The following STK4 variants were observed in gnomAD, a reference collection of about 807,000 sequenced individuals.
The protein encoded by STK4 is serine/threonine kinase 4, also known as serine/threonine-protein kinase 4.
Under a neutral mutation model 64.9 loss-of-function variants are expected in STK4, and 30 were observed. The ratio of observed to expected loss-of-function variants is 0.46; its 90% CI spans 0.35 to 0.63. The LOEUF (loss-of-function observed/expected upper bound fraction) is 0.63. Ranked by LOEUF, STK4 falls within the 20% of genes least tolerant of loss-of-function variation. STK4 has a pLI of 0.01. For missense variants in STK4, 466 were observed against 598.5 expected, an observed-to-expected ratio of 0.78 and a Z score of 2.31; for synonymous variants, 177 against 199.0, an observed-to-expected ratio of 0.89 and a Z score of 0.93.
chr20:44,979,374 T>TCTCAG (rs2067397212), intron 3 of STK4, among the ~76,000 whole-genome samples: 1 of 152,182 alleles, frequency 6.6e-6, no homozygotes, highest in Non-Finnish European at 1.5e-5. Flanking sequence ...AGTACCTACG[T>TCTCAG]ATTTATTTTT....
intron 6 of STK4, 138 bp from the exon 7 acceptor site, chr20:44,997,031 T>A: frequency 1.7e-6 from 2 of 1,206,204 alleles, no homozygotes; most frequent in Middle Eastern, 2.0e-4. Context: ...TAGACTTTTG[T>A]TGGAATTTGG....
intron 7 of STK4, among the ~76,000 whole-genome samples, chr20:44,997,593 G>A (rs571069319): frequency 3.9e-5 from 6 of 152,314 alleles, no homozygotes; most frequent in African/African-American, 1.4e-4. Flanking sequence ...GGAAGGCTGA[G>A]GTGGGAGGTG....
At chr20:45,071,135 C>T (rs1386520906) in intron 10 of STK4, among the ~76,000 whole-genome samples, 2 of 151,900 alleles carry the variant, frequency 1.3e-5, no homozygotes, top group Non-Finnish European at 2.9e-5. Flanking sequence ...TCTGGATGTG[C>T]GAGTATGGAG....
At chr20:45,064,613 G>T (rs567079920) in intron 10 of STK4, among the ~76,000 whole-genome samples, 2 of 152,164 alleles carry the variant, frequency 1.3e-5, no homozygotes, top group South Asian at 2.1e-4. Context: ...TTTGAGCACT[G>T]TTTTATAATT....
At chr20:45,010,344 C>T (rs1490720258) in intron 9 of STK4, among the ~76,000 whole-genome samples, 2 of 152,088 alleles carry the variant, frequency 1.3e-5, no homozygotes, top group African/African-American at 2.4e-5. Flanking sequence ...GGATTACAGT[C>T]GTGAGCCACC....
Position 45,038,073 on chromosome 20 carries a change from G to A in STK4, c.1305+12943G>A, listed in dbSNP as rs144858826. Among the ~76,000 whole-genome samples the A allele has an allele frequency of 5.9e-4, 90 of 152,108 alleles. 2 individuals carry two copies. The East Asian group carries it at 0.017, about 28-fold the overall frequency. On this transcript the variant is annotated intron_variant, in intron 10 of 10. Coordinates refer to ENST00000372806, the MANE Select transcript of STK4 (RefSeq NM_006282.5). ...TCCCAAAACATTTGGTGAAATTATTGTTCATTTATTTCAAAGTGACTCTAA... is the reference window on the plus strand; with the variant it reads ...TCCCAAAACATTTGGTGAAATTATTATTCATTTATTTCAAAGTGACTCTAA...
chr20:45,030,199 C>T (rs751602713), intron 10 of STK4, among the ~76,000 whole-genome samples: 4 of 151,916 alleles, frequency 2.6e-5, no homozygotes, highest in Admixed American at 6.6e-5. Context: ...CTCTGCCGCC[C>T]GGGTTCAAGC....
At chr20:44,999,126 CA>C (rs2067789145) in intron 7 of STK4, among the ~76,000 whole-genome samples, 1 of 151,134 alleles carries the variant, frequency 6.6e-6, no homozygotes, top group Non-Finnish European at 1.5e-5. Context: ...TTAAGAAATA[CA>C]GTAAAAAGAA....
chr20:45,062,696 T>C (rs1203854935), intron 10 of STK4, among the ~76,000 whole-genome samples: 1 of 152,118 alleles, frequency 6.6e-6, no homozygotes, highest in African/African-American at 2.4e-5. Flanking sequence ...TCTCGCTTTG[T>C]CGCCCAGGCT....
intron 10 of STK4, among the ~76,000 whole-genome samples, chr20:45,064,475 A>G (rs896542643): frequency 1.3e-5 from 2 of 151,988 alleles, no homozygotes; most frequent in Admixed American, 6.6e-5. Context: ...GAAGAATGTC[A>G]TTAGTAATTT....
In STK4 at chr20:45,026,128, G is replaced by GGTTTTTTTTTTTT. The variant is rs1490924969; in HGVS notation, c.1305+998_1305+999insGTTTTTTTTTTTT. ...TGTTCATTTACTTACTTATCCAGTGGTTTTTTTTTTTTTTTTTGGATGTCA... is the reference window on the plus strand; with the variant it reads ...TGTTCATTTACTTACTTATCCAGTGGGTTTTTTTTTTTTTTTTTTTTTTTTTTTTTGGATGTCA... On this transcript the variant is annotated intron_variant, in intron 10 of 10. Coordinates refer to ENST00000372806, the MANE Select transcript of STK4 (RefSeq NM_006282.5). Among the ~76,000 whole-genome samples the GGTTTTTTTTTTTT allele has an allele frequency of 4.2e-4, 54 of 128,938 alleles. 1 individual carries two copies. Among genetic ancestry groups the GGTTTTTTTTTTTT allele is most frequent in the African/African-American group, 1.5e-3 (50 of 33,448 alleles). The allele number at this position is 128,938 out of a possible 152,430, so 84.6% of individuals were successfully genotyped here. A position where few individuals can be genotyped will look rare whatever the true frequency, so the allele number is the denominator to read the frequency against.
Position 45,020,111 on chromosome 20 carries a change from G to T in STK4, c.1148-4862G>T, listed in dbSNP as rs981249117. Among the ~76,000 whole-genome samples, 36 of 152,190 alleles carry T rather than the reference G, an allele frequency of 2.4e-4. 1 individual carries two copies. The highest frequency in any genetic ancestry group is 8.7e-4 in the African/African-American group (36 of 41,436). ...CATTTGGCATTCAAGTCCCATCCTT[G>T]TTGGTTACTAGCTTAGAAATCTGCA... On this transcript the variant is annotated intron_variant, in intron 9 of 10. Coordinates refer to ENST00000372806, the MANE Select transcript of STK4 (RefSeq NM_006282.5).
chr20:45,074,258 G>A (rs1980324565), intron 10 of STK4, among the ~76,000 whole-genome samples: 1 of 152,140 alleles, frequency 6.6e-6, no homozygotes, highest in South Asian at 2.1e-4. Flanking sequence ...ATCCATATAT[G>A]TAAAGCACTC....
chr20:45,074,878 C>A (rs1980389488), intron 10 of STK4, 140 bp from the exon 11 acceptor site: 1 of 938,388 alleles, frequency 1.1e-6, no homozygotes. Flanking sequence ...TTTCCAACCA[C>A]CACCACTCAA....
intron 2 of STK4, chr20:44,975,309 T>A (rs2067320394): frequency 1.0e-6 from 1 of 974,022 alleles, no homozygotes. Flanking sequence ...AACCACCCCC[T>A]ATCCCTGCCT....
At chr20:45,016,958 T>C (rs918002978) in intron 9 of STK4, among the ~76,000 whole-genome samples, 1 of 152,242 alleles carries the variant, frequency 6.6e-6, no homozygotes, top group Non-Finnish European at 1.5e-5. Flanking sequence ...GACCTTCTTT[T>C]GTTCAGCAAG....
chr20:45,011,725 ATATATTTTTTTTT>A (rs1241053665), intron 9 of STK4, among the ~76,000 whole-genome samples: 1 of 106,996 alleles, frequency 9.3e-6, no homozygotes, highest in Non-Finnish European at 2.0e-5. Context: ...ATATATATAT[ATATATTTTTTTTT>A]TTTTTTTTAA....
chr20:45,061,650 A>G (rs900239532), intron 10 of STK4, among the ~76,000 whole-genome samples: 2 of 143,552 alleles, frequency 1.4e-5, no homozygotes, highest in Non-Finnish European at 3.0e-5. Context: ...AGTTTTTTAC[A>G]TAGGTAAACT....
At chr20:45,046,027 A>G (rs1469740866) in intron 10 of STK4, among the ~76,000 whole-genome samples, 2 of 151,988 alleles carry the variant, frequency 1.3e-5, no homozygotes, top group Non-Finnish European at 2.9e-5. Context: ...GGCCAGTCAC[A>G]AACTCCTGAC....
Sources: gnomAD v4.1 joint callset for allele counts (sites outside exome capture counted in the v4.1 genomes callset) on GRCh38, gnomAD v4.1.1 for gene constraint, MANE v1.5 for transcripts, NCBI Gene and HGNC (gene_info 2026-07-23, HGNC 2026-07-21) for gene names.